KIF7: variants seen among roughly 807,000 people sequenced by gnomAD.
The protein encoded by KIF7 is kinesin family member 7, also known as kinesin-like protein KIF7.
Under a neutral mutation model 135.7 loss-of-function variants are expected in KIF7, and 104 were observed. The observed-to-expected ratio is 0.77, with a 90% CI of 0.65 to 0.90. The LOEUF (loss-of-function observed/expected upper bound fraction) is 0.90. Among genes scored for constraint, KIF7 ranks in the 40% least tolerant of loss-of-function variants. The pLI is 0.00. For missense variants in KIF7, 2,005 were observed against 1,839.1 expected (o/e 1.09, Z -1.65); for synonymous variants, 883 against 809.4 (o/e 1.09, Z -1.54).
chr15:89,625,624 T>G (rs1419537581), downstream of KIF7: 1 of 1,613,280 alleles, frequency 6.2e-7, no homozygotes, highest in Non-Finnish European at 8.5e-7. Context: ...TGGGTTGAGT[T>G]CCAGGAAGAG....
chr15:89,659,784 A>G (rs1283119312), upstream of KIF7, among the ~76,000 whole-genome samples: 3 of 152,216 alleles, frequency 2.0e-5, no homozygotes, highest in African/African-American at 7.2e-5. Flanking sequence ...TTGAATGGCA[A>G]TTTGTCAATA....
rs147191956 is a variant in KIF7 at position 89,630,403 on chromosome 15, G to A, written c.3202C>T (p.Arg1068Trp). Residue 1068 changes from arginine to tryptophan, a missense_variant, in exon 16 of 19, where the codon CGG becomes TGG. Coordinates refer to ENST00000394412, the MANE Select transcript of KIF7 (RefSeq NM_198525.3). Reference sequence around the variant, plus strand: ...AACGAGGCTGAGGCCCGAAGCACCCGCTGGCGGCATGTGATGGCCTCATTC... The same window carrying A: ...AACGAGGCTGAGGCCCGAAGCACCCACTGGCGGCATGTGATGGCCTCATTC... ...YKNEAITCRQ[R>W]VLRASASLLS... 511 of 1,611,870 alleles carry A rather than the reference G, an allele frequency of 3.2e-4. 5 individuals carry two copies. The highest frequency in any genetic ancestry group is 1.8e-3 in the Middle Eastern group (11 of 6,058).
rs1270119343 is a variant in KIF7 at position 89,648,672 on chromosome 15, G to A, written c.1026C>T (p.Tyr342=). 1 of 1,535,934 alleles carries A rather than the reference G, an allele frequency of 6.5e-7. No individual in the cohort carries two copies. The highest frequency in any genetic ancestry group is 1.2e-5 in the South Asian group (1 of 84,060). The change falls in exon 5 of 19, where the codon TAC becomes TAT. Residue 342 remains tyrosine, a synonymous_variant. Transcript: ENST00000394412. ...TGCGGATGTTCTGGGCGCGGCTGGC[G>A]TAGTTGAGGGTGTTGAGGGTCTCGT... ...DFDETLNTLN[Y]ASRAQNIRNR... is the part of the protein sequence containing the mutation.
intron 1 of KIF7, among the ~76,000 whole-genome samples, chr15:89,654,755 C>T (rs531908569): frequency 6.6e-6 from 1 of 152,342 alleles, no homozygotes; most frequent in African/African-American, 2.4e-5. Flanking sequence ...CCTCCCTCCT[C>T]CTACCGCGTT....
downstream of KIF7, chr15:89,627,715 C>T (rs532972088): frequency 1.3e-5 from 2 of 153,110 alleles, no homozygotes; most frequent in Non-Finnish European, 2.9e-5. Flanking sequence ...CCAGCCAGTT[C>T]AGGGCTCAGG....
chr15:89,621,624 C>A, intron 1 of KIF7: 3 of 1,306,910 alleles, frequency 2.3e-6, no homozygotes, highest in Admixed American at 2.5e-5. Flanking sequence ...AACTCAGAGT[C>A]CATTAGGGAA....
chr15:89,648,567 C>G lies in KIF7; in HGVS notation c.1131G>C (p.Arg377=). 6.8e-7 allele frequency: 1 copy of G among 1,473,818 alleles called. No individual in the cohort carries two copies. The highest frequency in any genetic ancestry group is 1.3e-5 in the South Asian group (1 of 79,062). The allele number at this position is 1,473,818 out of a possible 1,614,324, so 91.3% of individuals were successfully genotyped here. ...GGATGATGCGGGTCTCGGAGCGGTG[C>G]CGTGGCGGACCCCGCGCGCCGCTCG... ...ETASGARGPP[R]HRSETRIIHR... Residue 377 remains arginine, a synonymous_variant, in exon 5 of 19, where the codon CGG becomes CGC. Coordinates refer to ENST00000394412, the MANE Select transcript of KIF7 (RefSeq NM_198525.3).
At chr15:89,644,989 G>T in intron 10 of KIF7, 24 bp downstream of exon 10, 1 of 1,606,082 alleles carries the variant, frequency 6.2e-7, no homozygotes. Context: ...CGGGTGAGAG[G>T]CCCACCTGAT....
intron 1 of KIF7, 37 bp downstream of exon 1, chr15:89,655,362 G>C (rs2142041039): frequency 6.6e-6 from 1 of 152,350 alleles, no homozygotes; most frequent in East Asian, 1.9e-4. Flanking sequence ...CACCCACCCG[G>C]TCCTCGCCCC....
chr15:89,634,738 C>T (rs529197234), intron 11 of KIF7, among the ~76,000 whole-genome samples: 5 of 152,162 alleles, frequency 3.3e-5, no homozygotes, highest in South Asian at 2.1e-4. Context: ...AAGGTGGCAG[C>T]GAGGCTGGGG....
In KIF7 at chr15:89,642,269, A is replaced by C. The variant is rs769667870; in HGVS notation, c.2328T>G (p.Asp776Glu). 41 of 1,610,460 alleles carry C rather than the reference A, an allele frequency of 2.5e-5. No individual in the cohort carries two copies. The East Asian group carries it at 2.7e-4, about 11-fold the overall frequency. Reference protein sequence around the residue: ...LRELEGKELQDAGERSRLQEF... With the variant: ...LRELEGKELQEAGERSRLQEF... Reference sequence around the variant, plus strand: ...CCTGGAGCCGAGACCGCTCGCCAGCATCCTGGAGCTCCTTGCCCTCGAGCT... The same window carrying C: ...CCTGGAGCCGAGACCGCTCGCCAGCCTCCTGGAGCTCCTTGCCCTCGAGCT... The change falls in exon 11 of 19, where the codon GAT becomes GAG. Residue 776 changes from aspartate to glutamate, a missense_variant. Asp to Glu is a conservative substitution (Grantham distance 45, BLOSUM62 2). Transcript: ENST00000394412.
downstream of KIF7, among the ~76,000 whole-genome samples, chr15:89,626,449 C>T (rs986540628): frequency 2.6e-5 from 4 of 152,180 alleles, no homozygotes; most frequent in African/African-American, 7.2e-5. Flanking sequence ...CGGTGGGACA[C>T]AGTACTGACT....
intron 11 of KIF7, among the ~76,000 whole-genome samples, chr15:89,637,547 C>T (rs1221475736): frequency 6.6e-6 from 1 of 151,914 alleles, no homozygotes. Context: ...AACACCTCTA[C>T]ACAAATAAAC....
rs182815336 is a variant in KIF7, at chr15:89,629,127, A to T, written c.3518-5T>A. 1.9e-6 allele frequency: 3 copies of T among 1,578,062 alleles called. No individual in the cohort carries two copies. Among genetic ancestry groups the T allele is most frequent in the Non-Finnish European group, 8.6e-7 (1 of 1,164,368 alleles). On this transcript the variant is annotated splice_region_variant and splice_polypyrimidine_tract_variant and intron_variant, in intron 17 of 18. Coordinates refer to ENST00000394412, the MANE Select transcript of KIF7 (RefSeq NM_198525.3). ...CTAACCCTTCACCGAGGTGGTCTAGAGTGGAAAGGTCGAGGAGAGGGTGGT... is the reference window on the plus strand; with the variant it reads ...CTAACCCTTCACCGAGGTGGTCTAGTGTGGAAAGGTCGAGGAGAGGGTGGT...
chr15:89,624,868 A>T, downstream of KIF7: 9 of 1,613,928 alleles, frequency 5.6e-6, no homozygotes, highest in Non-Finnish European at 7.6e-6. Context: ...CTCTCCTCTG[A>T]TGCCTTCCCG....
intron 11 of KIF7, 89 bp from the exon 12 acceptor site, chr15:89,633,972 G>A: frequency 7.2e-7 from 1 of 1,384,256 alleles, no homozygotes; most frequent in Non-Finnish European, 1.0e-6. Context: ...CAGGCAGATA[G>A]AGGGCAAATG....
Position 89,648,356 on chromosome 15 carries a change from C to T in KIF7, c.1342G>A (p.Glu448Lys). Residue 448 changes from glutamate (E) to lysine (K), a missense_variant, in exon 5 of 19, where the codon GAG (glutamate) becomes AAG (lysine). Transcript: ENST00000394412. ...GAGCTCAGGGCGCTGCGCTCGCCCT[C>T]GACGGCGCACAGCCAGTCGCGCACC... ...RKVRDWLCAV[E>K]GERSALSSAS... 3.3e-5 allele frequency: 47 copies of T among 1,424,428 alleles called. No individual in the cohort carries two copies. The highest frequency in any genetic ancestry group is 4.3e-5 in the Non-Finnish European group (47 of 1,086,086). 88.2% of individuals were successfully genotyped at this position (1,424,428 alleles called of 1,614,324 possible). A position where few individuals can be genotyped will look rare whatever the true frequency, so the allele number is the denominator to read the frequency against.
At chr15:89,628,822 G>C (rs1963597386) in intron 18 of KIF7, 36 bp from the exon 19 acceptor site, 4 of 1,611,790 alleles carry the variant, frequency 2.5e-6, no homozygotes, top group Non-Finnish European at 3.4e-6. Flanking sequence ...ATCAGAAACA[G>C]GTGGCAACAC....
At chr15:89,621,679 C>A in intron 1 of KIF7, 1 of 751,854 alleles carries the variant, frequency 1.3e-6, no homozygotes, top group Non-Finnish European at 2.1e-6. Flanking sequence ...TTGGAGGTGA[C>A]TGGGTGGAGC....
Sources: gnomAD v4.1 joint callset for allele counts (sites outside exome capture counted in the v4.1 genomes callset) on GRCh38, gnomAD v4.1.1 for gene constraint, MANE v1.5 for transcripts, NCBI Gene and HGNC (gene_info 2026-07-23, HGNC 2026-07-21) for gene names.